The following MOK variants were observed in gnomAD, a reference collection of about 807,000 sequenced individuals.
The protein encoded by MOK is MOK protein kinase, also known as MAPK/MAK/MRK overlapping kinase.
MOK carries 59 observed loss-of-function variants against 54.2 expected under a neutral mutation model. That is an observed-to-expected ratio of 1.09 (90% CI 0.88 to 1.35). The LOEUF (loss-of-function observed/expected upper bound fraction) is 1.35, where lower values mean the gene tolerates loss of function less well. MOK is among the 40% of genes most tolerant of loss of function. The pLI is 0.00. For synonymous variants in MOK, 210 were observed against 202.7 expected (o/e 1.04, Z -0.31); for missense variants, 517 against 526.2 (o/e 0.98, Z 0.17).
chr14:102,272,711 A>G (rs1038514263), intron 2 of MOK, among the ~76,000 whole-genome samples: 1 of 152,234 alleles, frequency 6.6e-6, no homozygotes, highest in African/African-American at 2.4e-5. Context: ...TTCGATACCA[A>G]TTCAGGACAA....
chr14:102,286,431 G>T (rs1485629921), intron 1 of MOK, among the ~76,000 whole-genome samples: 1 of 151,866 alleles, frequency 6.6e-6, no homozygotes, highest in African/African-American at 2.4e-5. Flanking sequence ...GCCAAGTTGG[G>T]CAACATAGAC....
chr14:102,291,697 C>T (rs973150759), intron 1 of MOK, among the ~76,000 whole-genome samples: 1 of 152,206 alleles, frequency 6.6e-6, no homozygotes, highest in African/African-American at 2.4e-5. Context: ...TGGCTCACAC[C>T]TGTAATCCCA....
At chr14:102,254,483 C>T (rs890572273) in intron 4 of MOK, among the ~76,000 whole-genome samples, 6 of 152,210 alleles carry the variant, frequency 3.9e-5, no homozygotes, top group East Asian at 1.9e-4. Flanking sequence ...CCTTCACACA[C>T]GCAGCAGAAT....
intron 1 of MOK, among the ~76,000 whole-genome samples, chr14:102,301,273 CG>C (rs373586222): frequency 1.8e-4 from 27 of 152,126 alleles, no homozygotes; most frequent in African/African-American, 6.5e-4. Flanking sequence ...AATAGATAAC[CG>C]GAACAATGAA....
At chr14:102,268,378 A>G (rs972690199) in intron 2 of MOK, among the ~76,000 whole-genome samples, 4 of 152,126 alleles carry the variant, frequency 2.6e-5, no homozygotes, top group African/African-American at 9.7e-5. Flanking sequence ...CATGAAAAAA[A>G]AAAAATCTAA....
Position 102,231,742 on chromosome 14 carries a change from T to C in MOK, c.946A>G (p.Asn316Asp), listed in dbSNP as rs763411219. The C allele has an allele frequency of 4.3e-6, 7 of 1,612,238 alleles. No individual in the cohort carries two copies. The highest frequency in any genetic ancestry group is 5.1e-6 in the Non-Finnish European group (6 of 1,179,514). The change falls in exon 10 of 12, where the codon AAC (asparagine) becomes GAC (aspartate). Residue 316 changes from asparagine (N) to aspartate (D), a missense_variant. Coordinates refer to ENST00000361847, the MANE Select transcript of MOK (RefSeq NM_014226.3). The surrounding 1 kb of genome is among the most constrained non-coding windows in gnomAD (Gnocchi z 4.4). ...EHPVAPEPLS[N>D]SCQISKEGRK... ...CCCTCCTTGGAAATCTGGCAGCTGT[T>C]ACTGAGTGGTTCCGGTGCCACAGGG... is the stretch of plus-strand genomic sequence containing the variant.
intron 1 of MOK, among the ~76,000 whole-genome samples, chr14:102,284,593 T>C (rs944398958): frequency 6.6e-6 from 1 of 152,050 alleles, no homozygotes. Context: ...GCCCAAATAA[T>C]AGGAGAGTAA....
chr14:102,226,290 CAAG>C (rs1373394489), downstream of MOK: 2 of 700,840 alleles, frequency 2.9e-6, no homozygotes, highest in African/African-American at 3.5e-5. The surrounding 1 kb of genome is among the most constrained non-coding windows in gnomAD (Gnocchi z 4.8). Flanking sequence ...TAGGCTCACA[CAAG>C]AAGGGTGACA....
intron 7 of MOK, chr14:102,246,075 A>G (rs1331769917): frequency 6.6e-6 from 1 of 152,212 alleles, no homozygotes; most frequent in East Asian, 1.9e-4. Flanking sequence ...TTGCAGTGGG[A>G]TTATATAGTG....
At chr14:102,254,301 T>G (rs1043314326) in intron 4 of MOK, among the ~76,000 whole-genome samples, 1 of 150,948 alleles carries the variant, frequency 6.6e-6, no homozygotes, top group Non-Finnish European at 1.5e-5. Context: ...ATTAACTTTT[T>G]TGTGTCATAC....
intron 2 of MOK, among the ~76,000 whole-genome samples, chr14:102,266,808 C>G (rs2067953354): frequency 6.6e-6 from 1 of 152,170 alleles, no homozygotes; most frequent in African/African-American, 2.4e-5. Flanking sequence ...TCTCAAACTC[C>G]TGACCTCAGG....
At chr14:102,288,334 A>G (rs2070376836) in intron 1 of MOK, among the ~76,000 whole-genome samples, 1 of 152,214 alleles carries the variant, frequency 6.6e-6, no homozygotes, top group Admixed American at 6.6e-5. Context: ...TATCCATACA[A>G]TGGAATATTA....
intron 1 of MOK, among the ~76,000 whole-genome samples, chr14:102,292,059 T>C (rs909153276): frequency 3.3e-5 from 5 of 152,132 alleles, no homozygotes; most frequent in Admixed American, 1.3e-4. Flanking sequence ...CATTAAGACG[T>C]AATCCCTAGT....
At chr14:102,265,293 T>C (rs945816594) in intron 3 of MOK, among the ~76,000 whole-genome samples, 6 of 152,192 alleles carry the variant, frequency 3.9e-5, no homozygotes, top group Non-Finnish European at 8.8e-5. Flanking sequence ...CGGATGCTTT[T>C]ATGATGTGGA....
At chr14:102,252,256 A>C (rs1387648762) in intron 4 of MOK, among the ~76,000 whole-genome samples, 1 of 152,066 alleles carries the variant, frequency 6.6e-6, no homozygotes, top group Admixed American at 6.6e-5. Context: ...GGAGTTTGAG[A>C]CCAGCCTGGC....
chr14:102,223,383 T>TA (rs917339942), downstream of MOK: 5 of 152,678 alleles, frequency 3.3e-5, no homozygotes, highest in African/African-American at 1.2e-4. Context: ...TCACAGATTT[T>TA]AAAAAATTGT....
At position 102,236,484 on chromosome 14, in the gene MOK, C is replaced by T. The variant is rs1004678659; in HGVS notation, c.591-2695G>A. ...TTCCCACACTCTTTCCTTATCATGCCTCGTTGCCCTACCCCCATCCTAGGC... is the reference window on the plus strand; with the variant it reads ...TTCCCACACTCTTTCCTTATCATGCTTCGTTGCCCTACCCCCATCCTAGGC... On this transcript the variant is annotated intron_variant, in intron 7 of 11. Coordinates refer to ENST00000361847, the MANE Select transcript of MOK (RefSeq NM_014226.3). The surrounding 1 kb of genome is among the most constrained non-coding windows in gnomAD (Gnocchi z 4.5). 2.0e-5 allele frequency among the ~76,000 whole-genome samples: 3 copies of T among 152,188 alleles called. No individual in the cohort carries two copies. Among genetic ancestry groups the T allele is most frequent in the African/African-American group, 7.2e-5 (3 of 41,434 alleles).
In MOK at chr14:102,240,896, C is replaced by T. The variant is rs1306489929; in HGVS notation, c.591-7107G>A. 6.6e-6 allele frequency among the ~76,000 whole-genome samples: 1 copy of T among 152,210 alleles called. No individual in the cohort carries two copies. The highest frequency in any genetic ancestry group is 2.4e-5 in the African/African-American group (1 of 41,454). ...CTTCCACCCTCCATTCCCCCTTCTT[C>T]TTCCTTAGGCTGTATTCTCAAAAAC... On this transcript the variant is annotated intron_variant, in intron 7 of 11. Coordinates refer to ENST00000361847, the MANE Select transcript of MOK (RefSeq NM_014226.3). The surrounding 1 kb of genome is among the most constrained non-coding windows in gnomAD (Gnocchi z 5.4).
At chr14:102,257,227 G>C (rs751008301) in intron 4 of MOK, among the ~76,000 whole-genome samples, 1 of 151,954 alleles carries the variant, frequency 6.6e-6, no homozygotes, top group Admixed American at 6.6e-5. Flanking sequence ...CCCAGGTATG[G>C]GGGCAGATGA....
Sources: allele counts gnomAD v4.1 joint callset (sites outside exome capture counted in the v4.1 genomes callset), GRCh38; gene constraint gnomAD v4.1.1; non-coding constraint Gnocchi (gnomAD v3.1); transcripts MANE v1.5; gene names NCBI Gene and HGNC (gene_info 2026-07-23, HGNC 2026-07-21).